The following WDFY4 variants were observed in gnomAD, a reference collection of about 807,000 sequenced individuals.
The protein encoded by WDFY4 is WD repeat- and FYVE domain-containing protein 4.
In WDFY4, 169 loss-of-function variants were observed where a neutral mutation model predicts 351.9. That is an observed-to-expected ratio of 0.48 (90% confidence interval 0.42 to 0.55). WDFY4 has a LOEUF of 0.55. Among genes scored for constraint, WDFY4 ranks in the 20% least tolerant of loss-of-function variants. WDFY4 has a pLI of 0.00. For synonymous variants in WDFY4, 1,622 were observed against 1,574.6 expected (o/e 1.03, Z -0.71); for missense variants, 3,803 against 3,935.6 (o/e 0.97, Z 0.90).
chr10:48,868,060 G>T (rs1346178171), intron 40 of WDFY4, among the ~76,000 whole-genome samples: 1 of 152,202 alleles, frequency 6.6e-6, no homozygotes, highest in Non-Finnish European at 1.5e-5. Flanking sequence ...TGGGGTATAA[G>T]GAGCCATTAG....
intron 51 of WDFY4, among the ~76,000 whole-genome samples, chr10:48,956,427 C>T (rs1306402382): frequency 3.9e-5 from 6 of 152,170 alleles, no homozygotes; most frequent in African/African-American, 7.2e-5. Flanking sequence ...TTCCTGCCCA[C>T]GTCTCTCTCT....
Position 48,786,781 on chromosome 10 carries a change from T to C in WDFY4, c.3719T>C (p.Phe1240Ser). 1.3e-6 allele frequency: 2 copies of C among 1,552,366 alleles called. No individual in the cohort carries two copies. ...LIWRLGPTYL[F>S]EEAISMETLE... ...TGGCGTCTTGGCCCCACATACCTCT[T>C]TGAAGAAGCCATTTCAATGGAAACT... Residue 1240 changes from phenylalanine to serine, a missense_variant, in exon 20 of 62, where the codon TTT (phenylalanine) becomes TCT (serine). Physicochemically the swap from Phe to Ser is radical, Grantham distance 155. Around this residue, in one of 3 missense-constraint regions of WDFY4, gnomAD observed 3,054 missense variants for 3,148.6 expected, o/e 0.97. Transcript: ENST00000325239.
At chr10:48,870,896 G>A (rs1039671346) in intron 40 of WDFY4, among the ~76,000 whole-genome samples, 1 of 151,908 alleles carries the variant, frequency 6.6e-6, no homozygotes, top group Non-Finnish European at 1.5e-5. Flanking sequence ...AGGGAGCTGT[G>A]CATCCCCAGG....
chr10:48,768,378 C>A (rs549750917), intron 13 of WDFY4, among the ~76,000 whole-genome samples: 2 of 152,108 alleles, frequency 1.3e-5, no homozygotes, highest in South Asian at 4.2e-4. Flanking sequence ...CACCCGAGGG[C>A]CCGAATGTTG....
chr10:48,972,278 G>T (rs991964340), intron 57 of WDFY4, among the ~76,000 whole-genome samples: 1 of 152,072 alleles, frequency 6.6e-6, no homozygotes, highest in South Asian at 2.1e-4. Context: ...CCTCACAGGC[G>T]GTTCAAAAAG....
At chr10:48,776,101 G>A (rs943191783) in intron 15 of WDFY4, among the ~76,000 whole-genome samples, 5 of 152,148 alleles carry the variant, frequency 3.3e-5, no homozygotes, top group South Asian at 2.1e-4. Context: ...AGTACGTGGC[G>A]CTGCACTAGA....
chr10:48,835,439 C>A (rs188132842), intron 39 of WDFY4, among the ~76,000 whole-genome samples: 1 of 152,254 alleles, frequency 6.6e-6, no homozygotes, highest in East Asian at 1.9e-4. Flanking sequence ...CACTGAGGTG[C>A]ATGTGTGCTG....
intron 19 of WDFY4, 124 bp downstream of exon 19, chr10:48,780,243 T>A: frequency 8.0e-7 from 1 of 1,254,738 alleles, no homozygotes; most frequent in Non-Finnish European, 1.1e-6. Flanking sequence ...ACTGGTAGGG[T>A]TGGCATCTAA....
intron 45 of WDFY4, 148 bp from the exon 46 acceptor site, chr10:48,900,073 C>T: frequency 1.6e-6 from 1 of 637,748 alleles, no homozygotes; most frequent in South Asian, 2.1e-5. Flanking sequence ...TCACCAAGGT[C>T]TTCCTACCAT....
In WDFY4 at chr10:48,959,801, C is replaced by T; in HGVS notation, c.8211C>T (p.Ser2737=). The T allele has an allele frequency of 6.4e-7, 1 of 1,550,582 alleles. No individual in the cohort carries two copies. Among genetic ancestry groups the T allele is most frequent in the Non-Finnish European group, 8.7e-7 (1 of 1,146,260 alleles). The change falls in exon 53 of 62, where the codon AGC becomes AGT. Residue 2737 remains serine (S), a synonymous_variant. Transcript: ENST00000325239. ...WADGDPRKFI[S]LHRKALESDF... is the part of the protein sequence containing the mutation. ...ATGGGGACCCTCGGAAATTCATCAGCCTGCACAGAAAGGTGAGTCAGGCCA... is the reference window on the plus strand; with the variant it reads ...ATGGGGACCCTCGGAAATTCATCAGTCTGCACAGAAAGGTGAGTCAGGCCA...
At chr10:48,819,558 G>A (rs1433157607) in intron 32 of WDFY4, among the ~76,000 whole-genome samples, 1 of 152,176 alleles carries the variant, frequency 6.6e-6, no homozygotes, top group African/African-American at 2.4e-5. Flanking sequence ...CGTGTCCTTG[G>A]GTGAGTCATT....
chr10:48,913,338 C>G, intron 47 of WDFY4: 2 of 1,547,772 alleles, frequency 1.3e-6, no homozygotes, highest in Non-Finnish European at 1.8e-6. Context: ...AGCCCACTGC[C>G]CTCTTCCCTC....
intron 43 of WDFY4, among the ~76,000 whole-genome samples, chr10:48,880,575 G>A (rs1402134925): frequency 6.6e-6 from 1 of 152,154 alleles, no homozygotes; most frequent in Admixed American, 6.5e-5. Flanking sequence ...AACCCGGTGG[G>A]CGGTCGGGAG....
At chr10:48,914,475 C>T (rs1177147911) in intron 47 of WDFY4, among the ~76,000 whole-genome samples, 2 of 152,100 alleles carry the variant, frequency 1.3e-5, no homozygotes, top group Non-Finnish European at 1.5e-5. Context: ...ACTAAATGTC[C>T]CTCTAGCTGT....
At position 48,774,523 on chromosome 10, in the gene WDFY4, C is replaced by A; in HGVS notation, c.2619C>A (p.Asn873Lys). Residue 873 changes from asparagine (N) to lysine (K), a missense_variant, in exon 14 of 62, where the codon AAC becomes AAA. Asn to Lys is a moderately conservative substitution (Grantham distance 94). Transcript: ENST00000325239. ...HIQSLVKSEK[N>K]RQVMCEAGLL... ...AGTCCCTGGTGAAGTCGGAGAAGAA[C>A]CGCCAGGTCATGTGCGAAGCAGGCT... 6.4e-7 allele frequency: 1 copy of A among 1,551,720 alleles called. No individual in the cohort carries two copies. Among genetic ancestry groups the A allele is most frequent in the Non-Finnish European group, 8.7e-7 (1 of 1,146,982 alleles).
intron 57 of WDFY4, among the ~76,000 whole-genome samples, chr10:48,974,527 A>AAAAAAAAAAAAAAAAAAACAAC: frequency 4.3e-4 from 10 of 23,148 alleles, no homozygotes; most frequent in Admixed American, 6.0e-4. Context: ...AAAAAAAAAA[A>AAAAAAAAAAAAAAAAAAACAAC]AACAACTCAT....
intron 47 of WDFY4, among the ~76,000 whole-genome samples, chr10:48,920,854 A>G (rs976396210): frequency 2.0e-5 from 3 of 152,246 alleles, no homozygotes; most frequent in Non-Finnish European, 4.4e-5. Flanking sequence ...TTGCATTTCC[A>G]TATTACTAGC....
At chr10:48,899,750 C>A (rs1417281093) in intron 45 of WDFY4, among the ~76,000 whole-genome samples, 1 of 152,146 alleles carries the variant, frequency 6.6e-6, no homozygotes, top group East Asian at 1.9e-4. Context: ...CTTTACTATG[C>A]CAGTGGGGCC....
chr10:48,822,404 C>A lies in WDFY4; in HGVS notation c.5849C>A (p.Ala1950Glu). ...GACGGCAAAGAGCCTCAGCCAAGTG[C>A]AGAAGCTGCTGCTGCCCCTTCTCTT... Reference protein sequence around the residue: ...FRDGKEPQPSAEAAAAPSLAN... With the variant: ...FRDGKEPQPSEEAAAAPSLAN... Residue 1950 changes from alanine to glutamate, a missense_variant, in exon 35 of 62, where the codon GCA (alanine) becomes GAA (glutamate). This residue lies in a region of WDFY4 where 3,054 missense variants were observed against 3,148.6 expected (regional missense o/e 0.97). Transcript: ENST00000325239. 6.5e-7 allele frequency: 1 copy of A among 1,549,384 alleles called. No individual in the cohort carries two copies. The highest frequency in any genetic ancestry group is 8.7e-7 in the Non-Finnish European group (1 of 1,145,702).
Sources: allele counts gnomAD v4.1 joint callset (sites outside exome capture counted in the v4.1 genomes callset), GRCh38; gene constraint gnomAD v4.1.1; regional missense constraint gnomAD v4.1.1; transcripts MANE v1.5; gene names NCBI Gene and HGNC (gene_info 2026-07-23, HGNC 2026-07-21).